NR1D2: variants seen among roughly 807,000 people sequenced by gnomAD.
NR1D2 encodes V-erbA-related protein 1-related.
Under a neutral mutation model 52.2 loss-of-function variants are expected in NR1D2, and 25 were observed. That is an observed-to-expected ratio of 0.48 (90% CI 0.35 to 0.67). NR1D2 has a LOEUF of 0.67. Ranked by LOEUF, NR1D2 falls within the 30% of genes least tolerant of loss-of-function variation. The pLI is 0.01. For missense variants in NR1D2, 681 were observed against 707.2 expected (o/e 0.96, Z 0.42); for synonymous variants, 259 against 230.1 (o/e 1.13, Z -1.14).
At chr3:23,946,388 G>T (rs1373280291) in intron 1 of NR1D2, 28 of 754,954 alleles carry the variant, frequency 3.7e-5, no homozygotes, top group Non-Finnish European at 4.5e-5. Context: ...GCGCCTCGGG[G>T]AAGGCGTGGG....
At chr3:23,945,893 G>A (rs1029508802) in intron 1 of NR1D2, among the ~76,000 whole-genome samples, 1 of 150,912 alleles carries the variant, frequency 6.6e-6, no homozygotes, top group African/African-American at 2.4e-5. Flanking sequence ...CGGCGCGCGG[G>A]CGCCGGTTGG....
chr3:23,958,305 T>G (rs1706138990), intron 3 of NR1D2, among the ~76,000 whole-genome samples: 1 of 152,098 alleles, frequency 6.6e-6, no homozygotes, highest in African/African-American at 2.4e-5. Flanking sequence ...CACAATCTAG[T>G]GAGGGGATTA....
intron 3 of NR1D2, among the ~76,000 whole-genome samples, chr3:23,957,871 G>C (rs1346809625): frequency 6.6e-6 from 1 of 152,134 alleles, no homozygotes; most frequent in Non-Finnish European, 1.5e-5. Flanking sequence ...TTCAGCTCTT[G>C]TAGTATCTAA....
intron 3 of NR1D2, among the ~76,000 whole-genome samples, chr3:23,958,212 A>T (rs1706137097): frequency 6.6e-6 from 1 of 152,212 alleles, no homozygotes; most frequent in African/African-American, 2.4e-5. Context: ...GCACGTAGTC[A>T]GTGATTTCTG....
At chr3:23,959,955 C>T (rs1313637529) in intron 4 of NR1D2, 140 bp downstream of exon 4, 1 of 665,986 alleles carries the variant, frequency 1.5e-6, no homozygotes. Flanking sequence ...TCATGCTTTA[C>T]AGGACACCAA....
intron 1 of NR1D2, chr3:23,946,352 C>A (rs1018255429): frequency 2.7e-5 from 26 of 949,082 alleles, no homozygotes; most frequent in Non-Finnish European, 2.9e-5. Flanking sequence ...AAGTGCAGGA[C>A]GAGGGCGTGC....
At chr3:23,975,516 A>C (rs1356135393) in intron 7 of NR1D2, among the ~76,000 whole-genome samples, 2 of 152,130 alleles carry the variant, frequency 1.3e-5, no homozygotes, top group Non-Finnish European at 2.9e-5. Flanking sequence ...TTATGCCTGT[A>C]ATCCCAGCAC....
chr3:23,971,799 C>G (rs1706597524), intron 7 of NR1D2, among the ~76,000 whole-genome samples: 1 of 151,994 alleles, frequency 6.6e-6, no homozygotes, highest in Non-Finnish European at 1.5e-5. Context: ...TGTAACATTC[C>G]TTTTATGTAG....
chr3:23,946,112 G>A (rs995543666), intron 1 of NR1D2: 8 of 984,848 alleles, frequency 8.1e-6, no homozygotes, highest in Non-Finnish European at 9.6e-6. Flanking sequence ...CAGTGACGTC[G>A]CCGCGATTCC....
chr3:23,956,542 A>G (rs961340413), intron 3 of NR1D2, among the ~76,000 whole-genome samples: 2 of 152,174 alleles, frequency 1.3e-5, no homozygotes, highest in African/African-American at 4.8e-5. Context: ...ACTTTGACTT[A>G]ATGACACGTC....
Position 23,978,171 on chromosome 3 carries a change from A to T in NR1D2, c.*752A>T. 6.6e-6 allele frequency: 1 copy of T among 152,210 alleles called. No homozygotes were observed. Among genetic ancestry groups the T allele is most frequent in the East Asian group, 1.9e-4 (1 of 5,206 alleles). 9.4% of individuals were successfully genotyped at this position (152,210 alleles called of 1,614,324 possible). Reference sequence around the variant, plus strand: ...AGGGTTCCTGCCATATGTGTGGGGTATCCTACTGATACACACGTATTCAAA... The same window carrying T: ...AGGGTTCCTGCCATATGTGTGGGGTTTCCTACTGATACACACGTATTCAAA... On this transcript the variant is annotated 3_prime_UTR_variant, in exon 8 of 8. Transcript: ENST00000312521.
intron 5 of NR1D2, 42 bp from the exon 6 acceptor site, chr3:23,964,935 A>G (rs1706398211): frequency 1.5e-6 from 2 of 1,326,494 alleles, no homozygotes; most frequent in South Asian, 2.7e-5. Context: ...TTTCTTTACC[A>G]CCTCTTAGTA....
chr3:23,966,470 C>T (rs1031875928), intron 6 of NR1D2, among the ~76,000 whole-genome samples: 3 of 152,112 alleles, frequency 2.0e-5, no homozygotes, highest in East Asian at 1.9e-4. Flanking sequence ...GTTGATGTTT[C>T]GAAGTGTTGC....
At chr3:23,970,688 T>A (rs1287396615) in intron 7 of NR1D2, among the ~76,000 whole-genome samples, 1 of 152,212 alleles carries the variant, frequency 6.6e-6, no homozygotes, top group Non-Finnish European at 1.5e-5. Context: ...TGTATGAACA[T>A]ATACAAGTAC....
intron 7 of NR1D2, among the ~76,000 whole-genome samples, chr3:23,971,642 G>A (rs1281140943): frequency 2.6e-5 from 4 of 151,624 alleles, no homozygotes; most frequent in Non-Finnish European, 5.9e-5. Context: ...ATTTTTTTAT[G>A]TTTTATTTTT....
chr3:23,975,790 T>G (rs1706708614), intron 7 of NR1D2, among the ~76,000 whole-genome samples: 1 of 152,252 alleles, frequency 6.6e-6, no homozygotes, highest in Non-Finnish European at 1.5e-5. Context: ...TTTATCATTC[T>G]TCTGCATTTA....
In NR1D2 at chr3:23,967,859, CT is replaced by C; in HGVS notation, c.1380del (p.Val461SerfsTer4). The C allele has an allele frequency of 6.2e-7, 1 of 1,614,034 alleles. No homozygotes were observed. The highest frequency in any genetic ancestry group is 8.5e-7 in the Non-Finnish European group (1 of 1,179,984). ...FASLFDAKER[T>X]VTFLSGKKYS... ...TCATTATTTGATGCAAAGGAACGTACTGTCACCTTTTTAAGTGGAAAGAAAT... is the reference window on the plus strand; with the variant it reads ...TCATTATTTGATGCAAAGGAACGTACGTCACCTTTTTAAGTGGAAAGAAAT... On this transcript the variant is annotated frameshift_variant, in exon 7 of 8. Transcript: ENST00000312521. LOFTEE classifies it high-confidence loss of function.
chr3:23,954,407 T>C (rs1559330907), intron 1 of NR1D2, 130 bp from the exon 2 acceptor site: 1 of 793,216 alleles, frequency 1.3e-6, no homozygotes, highest in Non-Finnish European at 2.0e-6. Flanking sequence ...ATTTTTTGCT[T>C]TTGGTGTAAG....
chr3:23,946,666 A>G (rs1440337756), intron 1 of NR1D2: 4 of 152,134 alleles, frequency 2.6e-5, no homozygotes. Flanking sequence ...ATCATAGGTG[A>G]CTCCAACACC....
Sources: gnomAD v4.1 joint callset for allele counts (sites outside exome capture counted in the v4.1 genomes callset) on GRCh38, gnomAD v4.1.1 for gene constraint, MANE v1.5 for transcripts, NCBI Gene and HGNC (gene_info 2026-07-23, HGNC 2026-07-21) for gene names.